Variants in SEC63 observed in about 807,000 individuals in gnomAD.
SEC63 encodes the protein SEC63 protein translocation regulator.
In SEC63, 56 loss-of-function variants were observed where a neutral mutation model predicts 116.2. The observed-to-expected ratio is 0.48, with a 90% CI of 0.39 to 0.60. SEC63 has a LOEUF of 0.60. Among genes scored for constraint, SEC63 ranks in the 20% least tolerant of loss-of-function variants. The pLI is 0.00. For missense variants in SEC63, 668 were observed against 900.0 expected (o/e 0.74, Z 3.30); for synonymous variants, 273 against 294.6 (o/e 0.93, Z 0.75).
chr6:107,906,383 T>C, intron 10 of SEC63, 65 bp downstream of exon 10: 2 of 1,535,868 alleles, frequency 1.3e-6, no homozygotes, highest in Non-Finnish European at 1.8e-6. Context: ...TACACACCAT[T>C]AAGTCTAATT....
At chr6:107,911,482 G>T in intron 6 of SEC63, 86 bp from the exon 7 acceptor site, 1 of 863,936 alleles carries the variant, frequency 1.2e-6, no homozygotes, top group Admixed American at 1.8e-5. Context: ...TTACAATGGG[G>T]GAGCCACTAT....
chr6:107,893,936 C>T, intron 14 of SEC63, 39 bp from the exon 15 acceptor site: 1 of 1,597,924 alleles, frequency 6.3e-7, no homozygotes, highest in Non-Finnish European at 8.6e-7. Flanking sequence ...AATCTGTCAA[C>T]CTATATTTAT....
chr6:107,882,005 T>C (rs1786424301), intron 17 of SEC63, among the ~76,000 whole-genome samples: 2 of 152,198 alleles, frequency 1.3e-5, no homozygotes, highest in Non-Finnish European at 2.9e-5. Context: ...ATATGTCAAT[T>C]CTTTCTCAAA....
At chr6:107,938,684 G>A (rs1252014133) in intron 1 of SEC63, among the ~76,000 whole-genome samples, 1 of 151,454 alleles carries the variant, frequency 6.6e-6, no homozygotes, top group Non-Finnish European at 1.5e-5. Context: ...AGCCTCCCGA[G>A]TAGCTGGGAT....
Position 107,869,437 on chromosome 6 carries a change from TG to T in SEC63, c.*2266del, listed in dbSNP as rs1786073976. 2 of 152,220 alleles carry T rather than the reference TG, an allele frequency of 1.3e-5. No homozygotes were observed. Among genetic ancestry groups the T allele is most frequent in the Admixed American group, 1.3e-4 (2 of 15,280 alleles). 9.4% of individuals were successfully genotyped at this position (152,220 alleles called of 1,614,324 possible). A position where few individuals can be genotyped will look rare whatever the true frequency, so the allele number is the denominator to read the frequency against. The stretch of plus-strand genomic sequence containing the variant: ...TGTTTCAATTTCACTTCCTATACAC[TG>T]TATGATCTATAGGCTCATCAATTGT... On this transcript the variant is annotated 3_prime_UTR_variant, in exon 21 of 21. Transcript: ENST00000369002.
chr6:107,953,782 C>T (rs1376426770), intron 1 of SEC63, among the ~76,000 whole-genome samples: 3 of 123,016 alleles, frequency 2.4e-5, no homozygotes, highest in African/African-American at 8.8e-5. Context: ...CCGCCCCGTC[C>T]GGGAGGGAGG....
intron 1 of SEC63, among the ~76,000 whole-genome samples, chr6:107,932,640 G>A (rs73499191): frequency 0.012 from 1,895 of 152,290 alleles, 36 homozygotes; most frequent in African/African-American, 0.043. Flanking sequence ...AATGAACCCT[G>A]TACTGTTGGA....
At chr6:107,940,450 T>C (rs764843394) in intron 1 of SEC63, among the ~76,000 whole-genome samples, 3 of 152,166 alleles carry the variant, frequency 2.0e-5, no homozygotes, top group African/African-American at 7.2e-5. Context: ...TTTTGGACTA[T>C]ACAATTCTTA....
At chr6:107,934,670 G>C (rs1295714858) in intron 1 of SEC63, among the ~76,000 whole-genome samples, 1 of 111,520 alleles carries the variant, frequency 9.0e-6, no homozygotes, top group Non-Finnish European at 1.9e-5. Flanking sequence ...GGAGGGAGGT[G>C]GGGGGGTCAG....
intron 1 of SEC63, among the ~76,000 whole-genome samples, chr6:107,935,668 C>T (rs1770230129): frequency 6.7e-6 from 1 of 148,196 alleles, no homozygotes; most frequent in Admixed American, 6.8e-5. Flanking sequence ...GCCGCAGGGT[C>T]CTCTGCCTAG....
At chr6:107,922,186 G>A (rs1363159813) in intron 3 of SEC63, among the ~76,000 whole-genome samples, 1 of 152,136 alleles carries the variant, frequency 6.6e-6, no homozygotes, top group Non-Finnish European at 1.5e-5. Context: ...GAAAACAGAT[G>A]ACAAATTTAC....
At chr6:107,919,409 G>GT (rs1163575994) in intron 4 of SEC63, among the ~76,000 whole-genome samples, 3 of 152,170 alleles carry the variant, frequency 2.0e-5, no homozygotes, top group African/African-American at 7.2e-5. Flanking sequence ...TCTTAAGATG[G>GT]TATCTATTCC....
At chr6:107,886,188 C>T (rs991689210) in intron 16 of SEC63, among the ~76,000 whole-genome samples, 1 of 152,172 alleles carries the variant, frequency 6.6e-6, no homozygotes, top group Non-Finnish European at 1.5e-5. Context: ...AGGACATGAA[C>T]TCATCCTTTT....
intron 2 of SEC63, among the ~76,000 whole-genome samples, chr6:107,926,590 G>C (rs1017582212): frequency 6.6e-6 from 1 of 152,012 alleles, no homozygotes; most frequent in Non-Finnish European, 1.5e-5. Context: ...TTTGGTAATA[G>C]CCTCAATATG....
At chr6:107,936,126 G>A (rs968868454) in intron 1 of SEC63, among the ~76,000 whole-genome samples, 1 of 152,216 alleles carries the variant, frequency 6.6e-6, no homozygotes, top group African/African-American at 2.4e-5. Context: ...CTATTCAAAG[G>A]TATGATGTTC....
At chr6:107,935,351 G>C (rs112894648) in intron 1 of SEC63, among the ~76,000 whole-genome samples, 3,615 of 151,666 alleles carry the variant, frequency 0.024, 121 homozygotes, top group African/African-American at 0.083. Context: ...AATAGAAAGG[G>C]GGGAAAGGTG....
intron 18 of SEC63, chr6:107,877,144 G>A (rs1293798329): frequency 6.5e-6 from 1 of 153,196 alleles, no homozygotes; most frequent in Non-Finnish European, 1.4e-5. Context: ...AGAAGGCCAA[G>A]AAGTCTGAAA....
intron 7 of SEC63, 139 bp from the exon 8 acceptor site, chr6:107,909,174 C>G: frequency 1.6e-6 from 1 of 640,612 alleles, no homozygotes; most frequent in South Asian, 1.5e-5. Flanking sequence ...TTGAGACCAG[C>G]CTGGGCAACA....
intron 19 of SEC63, among the ~76,000 whole-genome samples, chr6:107,874,311 G>A (rs2114390277): frequency 6.6e-6 from 1 of 152,158 alleles, no homozygotes; most frequent in Middle Eastern, 3.4e-3. Flanking sequence ...AAAGAACAAG[G>A]AAGCCGGGCA....
Sources: allele counts gnomAD v4.1 joint callset (sites outside exome capture counted in the v4.1 genomes callset), GRCh38; gene constraint gnomAD v4.1.1; transcripts MANE v1.5; gene names NCBI Gene and HGNC (gene_info 2026-07-23, HGNC 2026-07-21).